The following PARD6G variants were observed in gnomAD, a reference collection of about 807,000 sequenced individuals.
PARD6G encodes par-6 family cell polarity regulator gamma, also known as partitioning defective 6 homolog gamma.
A neutral mutation model predicts 10.7 loss-of-function variants in PARD6G; 7 were observed. The ratio of observed to expected loss-of-function variants is 0.66; its 90% CI spans 0.37 to 1.23. The LOEUF is 1.23. Among genes scored for constraint, PARD6G ranks in the 50% most tolerant of loss-of-function variants. The pLI, the probability that PARD6G is intolerant of heterozygous loss-of-function variation, is 0.02. For missense variants in PARD6G, 548 were observed against 571.8 expected, an observed-to-expected ratio of 0.96 and a Z score of 0.42; for synonymous variants, 287 against 269.4, an observed-to-expected ratio of 1.07 and a Z score of -0.64.
At chr18:80,196,937 A>C (rs994254520) in intron 2 of PARD6G, among the ~76,000 whole-genome samples, 1 of 151,694 alleles carries the variant, frequency 6.6e-6, no homozygotes, top group Non-Finnish European at 1.5e-5. Context: ...CCAAACACAC[A>C]AACTTCCAGG....
intron 1 of PARD6G, among the ~76,000 whole-genome samples, chr18:80,240,910 G>T (rs1355305696): frequency 6.6e-6 from 1 of 152,132 alleles, no homozygotes; most frequent in African/African-American, 2.4e-5. Context: ...CAGGGATGTT[G>T]TACGTTTTAC....
In PARD6G at chr18:80,201,078, C is replaced by T. The variant is rs962516564; in HGVS notation, c.295+1632G>A. ...GGGATGGCAGGGGCACAGCCAGGAA[C>T]ACACCCCCACCCTACGCTCCTGGTC... On this transcript the variant is annotated intron_variant, in intron 2 of 2. Transcript: ENST00000353265. The surrounding 1 kb of genome is among the most constrained non-coding windows in gnomAD (Gnocchi z 5.9). Among the ~76,000 whole-genome samples the T allele has an allele frequency of 6.6e-6, 1 of 152,130 alleles. No individual in the cohort carries two copies. Among genetic ancestry groups the T allele is most frequent in the African/African-American group, 2.4e-5 (1 of 41,416 alleles).
Position 80,160,557 on chromosome 18 carries a change from C to T in PARD6G, c.345G>A (p.Arg115=). The change falls in exon 3 of 3, where the codon AGG becomes AGA. Residue 115 remains arginine (R), a synonymous_variant. Transcript: ENST00000353265. ...SLGAGSLCRR[R]RALGALRDEG... ...CATCACGCAGCGCGCCCAGCGCCCGCCTCCGCCTGCACAGCGAGCCCGCGC... is the reference window on the plus strand; with the variant it reads ...CATCACGCAGCGCGCCCAGCGCCCGTCTCCGCCTGCACAGCGAGCCCGCGC... The T allele has an allele frequency of 6.8e-7, 1 of 1,481,014 alleles. No homozygotes were observed. The highest frequency in any genetic ancestry group is 8.9e-7 in the Non-Finnish European group (1 of 1,118,978). 91.7% of individuals were successfully genotyped at this position (1,481,014 alleles called of 1,614,324 possible).
chr18:80,186,289 TCA>T (rs1271271774), intron 2 of PARD6G, among the ~76,000 whole-genome samples: 3 of 130,956 alleles, frequency 2.3e-5, no homozygotes, highest in Non-Finnish European at 3.2e-5. Flanking sequence ...CTCACAAGGC[TCA>T]CACACCGTCA....
rs1429795958 is a variant in PARD6G, at chr18:80,175,528, A to G, written c.296-14922T>C. Among the ~76,000 whole-genome samples, 1 of 152,144 alleles carries G rather than the reference A, an allele frequency of 6.6e-6. No individual in the cohort carries two copies. Among genetic ancestry groups the G allele is most frequent in the Non-Finnish European group, 1.5e-5 (1 of 68,026 alleles). ...TCTTATTTAACCTTCATCACCCCCTAAAGACACTGTCTCCAGATACAGTCA... is the reference window on the plus strand; with the variant it reads ...TCTTATTTAACCTTCATCACCCCCTGAAGACACTGTCTCCAGATACAGTCA... On this transcript the variant is annotated intron_variant, in intron 2 of 2. Transcript: ENST00000353265. The surrounding 1 kb of genome is among the most constrained non-coding windows in gnomAD (Gnocchi z 6.7).
At chr18:80,224,720 G>A (rs969485123) in intron 1 of PARD6G, among the ~76,000 whole-genome samples, 6 of 152,216 alleles carry the variant, frequency 3.9e-5, no homozygotes, top group African/African-American at 7.2e-5. Flanking sequence ...GATGGCGGGC[G>A]CCTGTAGTCC....
At chr18:80,202,374 A>AT (rs1308788458) in intron 2 of PARD6G, among the ~76,000 whole-genome samples, 4 of 152,202 alleles carry the variant, frequency 2.6e-5, no homozygotes, top group African/African-American at 9.6e-5. Flanking sequence ...TAACAAGATG[A>AT]TGGAGGGCAT....
At chr18:80,222,222 C>A (rs534450605) in intron 1 of PARD6G, among the ~76,000 whole-genome samples, 9 of 152,136 alleles carry the variant, frequency 5.9e-5, no homozygotes, top group Middle Eastern at 3.4e-3. Flanking sequence ...GTAGCTGGAA[C>A]TACAGGCATG....
At chr18:80,209,095 A>G (rs1236227307) in intron 1 of PARD6G, among the ~76,000 whole-genome samples, 1 of 151,818 alleles carries the variant, frequency 6.6e-6, no homozygotes, top group African/African-American at 2.4e-5. Context: ...GTGAGACTCC[A>G]TCTCGAAAAA....
At chr18:80,179,164 GC>G (rs2052834041) in intron 2 of PARD6G, among the ~76,000 whole-genome samples, 1 of 151,778 alleles carries the variant, frequency 6.6e-6, no homozygotes, top group Non-Finnish European at 1.5e-5. Flanking sequence ...CCACAGCCAA[GC>G]CCACGTGGTG....
rs1191243896 is a variant in PARD6G, at chr18:80,189,566, G to A, written c.295+13144C>T. On this transcript the variant is annotated intron_variant, in intron 2 of 2. Transcript: ENST00000353265. This position sits in a 1 kb window ranked among gnomAD's most constrained non-coding sequence, Gnocchi z 5.5. ...ACCACGAGGACAGCTAACTCCAGAT[G>A]TCTTCTCTTACCCGCTAACTGACAC... The A allele has an allele frequency of 6.6e-6, 1 of 152,200 alleles. No homozygotes were observed. The highest frequency in any genetic ancestry group is 1.9e-4 in the East Asian group (1 of 5,192). The allele number at this position is 152,200 out of a possible 1,614,324, so 9.4% of individuals were successfully genotyped here.
chr18:80,205,407 G>A (rs1005049150), intron 1 of PARD6G, among the ~76,000 whole-genome samples: 11 of 152,026 alleles, frequency 7.2e-5, no homozygotes, highest in South Asian at 2.1e-4. Context: ...ATACTCACAC[G>A]GTTTGCATCT....
rs1424417423 is a variant in PARD6G at position 80,181,357 on chromosome 18, G to A, written c.296-20751C>T. 6.6e-6 allele frequency among the ~76,000 whole-genome samples: 1 copy of A among 152,174 alleles called. No homozygotes were observed. Among genetic ancestry groups the A allele is most frequent in the Non-Finnish European group, 1.5e-5 (1 of 68,036 alleles). On this transcript the variant is annotated intron_variant, in intron 2 of 2. Coordinates refer to ENST00000353265, the MANE Select transcript of PARD6G (RefSeq NM_032510.4). The surrounding 1 kb of genome is among the most constrained non-coding windows in gnomAD (Gnocchi z 7.9). The stretch of plus-strand genomic sequence containing the variant: ...AAGCTGTGGTCCCGATGCCACACAC[G>A]CCAAGGCAGGCATCACGCTCTGGGC...
chr18:80,181,390 G>C lies in PARD6G; in HGVS notation c.296-20784C>G, dbSNP rs550162804. 6.6e-6 allele frequency among the ~76,000 whole-genome samples: 1 copy of C among 152,150 alleles called. No individual in the cohort carries two copies. The highest frequency in any genetic ancestry group is 1.5e-5 in the Non-Finnish European group (1 of 68,024). On this transcript the variant is annotated intron_variant, in intron 2 of 2. Transcript: ENST00000353265. This position sits in a 1 kb window ranked among gnomAD's most constrained non-coding sequence, Gnocchi z 7.9. The stretch of plus-strand genomic sequence containing the variant: ...AGGCATCACGCTCTGGGCACCGGGG[G>C]ACCCTGCGTGCTTGGGTGCATTGCA...
chr18:80,157,599 G>T lies in PARD6G; in HGVS notation c.*2172C>A, dbSNP rs1434129711. 6.6e-6 allele frequency: 1 copy of T among 152,150 alleles called. No individual in the cohort carries two copies. Among genetic ancestry groups the T allele is most frequent in the East Asian group, 1.9e-4 (1 of 5,204 alleles). The allele number at this position is 152,150 out of a possible 1,614,324, so 9.4% of individuals were successfully genotyped here. On this transcript the variant is annotated 3_prime_UTR_variant, in exon 3 of 3. Coordinates refer to ENST00000353265, the MANE Select transcript of PARD6G (RefSeq NM_032510.4). The stretch of plus-strand genomic sequence containing the variant: ...TGTGAGGGTAACATTATTAGTTTTA[G>T]TTCCACAAAAACTGCTTCTGACTGC...
chr18:80,214,515 T>A (rs1967142643), intron 1 of PARD6G, among the ~76,000 whole-genome samples: 1 of 151,630 alleles, frequency 6.6e-6, no homozygotes, highest in Admixed American at 6.6e-5. Context: ...AATGAAGAGA[T>A]AACAATTATA....
At chr18:80,177,268 G>A (rs1309490228) in intron 2 of PARD6G, among the ~76,000 whole-genome samples, 4 of 103,810 alleles carry the variant, frequency 3.9e-5, no homozygotes, top group Non-Finnish European at 7.3e-5. Context: ...AGCCCAAATG[G>A]GAAGCACACA....
intron 1 of PARD6G, among the ~76,000 whole-genome samples, chr18:80,204,706 TG>T (rs1175252037): frequency 6.6e-6 from 1 of 151,948 alleles, no homozygotes; most frequent in Non-Finnish European, 1.5e-5. Flanking sequence ...CCCAGCAGTT[TG>T]GGAGGCCAAG....
At chr18:80,238,618 T>G (rs1405102017) in intron 1 of PARD6G, among the ~76,000 whole-genome samples, 2 of 152,062 alleles carry the variant, frequency 1.3e-5, no homozygotes, top group Non-Finnish European at 2.9e-5. Context: ...GAAAAGGGCA[T>G]GAAGGAACCT....
Sources: allele counts gnomAD v4.1 joint callset (sites outside exome capture counted in the v4.1 genomes callset), GRCh38; gene constraint gnomAD v4.1.1; non-coding constraint Gnocchi (gnomAD v3.1); transcripts MANE v1.5; gene names NCBI Gene and HGNC (gene_info 2026-07-23, HGNC 2026-07-21).